The following ANKFN1 variants were observed in gnomAD, a reference collection of about 807,000 sequenced individuals.
ANKFN1 encodes the protein ankyrin repeat and fibronectin type III domain containing 1.
ANKFN1 carries 74 observed loss-of-function variants against 108.7 expected under a neutral mutation model. That is an observed-to-expected ratio of 0.68 (90% CI 0.56 to 0.83). ANKFN1 has a LOEUF of 0.83. Ranked by LOEUF, ANKFN1 falls within the 40% of genes least tolerant of loss-of-function variation. ANKFN1 has a pLI of 0.00. For missense variants in ANKFN1, 1,505 were observed against 1,382.3 expected (o/e 1.09, Z -1.41); for synonymous variants, 547 against 516.2 (o/e 1.06, Z -0.81).
chr17:56,437,769 C>T (rs2048974766), intron 8 of ANKFN1, among the ~76,000 whole-genome samples: 1 of 151,862 alleles, frequency 6.6e-6, no homozygotes, highest in South Asian at 2.1e-4. Context: ...AATACATATA[C>T]ATATATATAA....
intron 6 of ANKFN1, among the ~76,000 whole-genome samples, chr17:56,360,092 T>C (rs1208487855): frequency 1.3e-5 from 2 of 152,154 alleles, no homozygotes; most frequent in Non-Finnish European, 2.9e-5. Context: ...AATAAGAATA[T>C]GTAAAGAACA....
Position 56,070,919 on chromosome 17 carries a change from A to G in ANKFN1, c.288+24594A>G, listed in dbSNP as rs1173574493. Among the ~76,000 whole-genome samples, 7 of 151,942 alleles carry G rather than the reference A, an allele frequency of 4.6e-5. No homozygotes were observed. In the East Asian group the frequency reaches 1.4e-3, roughly 29 times the overall value. On this transcript the variant is annotated intron_variant, in intron 4 of 12. Coordinates refer to the ANKFN1 transcript ENST00000635860. ...CCAGCTAATTTTTTGTATTTTAAGT[A>G]GAGATGGGGTTTCACCATGTTGGCC...
intron 4 of ANKFN1, among the ~76,000 whole-genome samples, chr17:56,049,447 T>G (rs1904736382): frequency 1.3e-5 from 2 of 151,952 alleles, no homozygotes; most frequent in South Asian, 2.1e-4. Flanking sequence ...TTGTGCAGGT[T>G]AGTTACATAT....
intron 15 of ANKFN1, among the ~76,000 whole-genome samples, chr17:56,468,459 G>T (rs2145304532): frequency 6.6e-6 from 1 of 151,178 alleles, no homozygotes; most frequent in East Asian, 1.9e-4. Flanking sequence ...GGGATGAATT[G>T]TATAGGACAC....
intron 8 of ANKFN1, among the ~76,000 whole-genome samples, chr17:56,385,529 A>G (rs1364855991): frequency 1.3e-5 from 2 of 152,198 alleles, no homozygotes; most frequent in Admixed American, 1.3e-4. Flanking sequence ...CAGAGTGAAC[A>G]AGCAACCTAC....
chr17:56,438,652 C>T (rs770287577), intron 8 of ANKFN1, among the ~76,000 whole-genome samples: 1 of 152,054 alleles, frequency 6.6e-6, no homozygotes, highest in South Asian at 2.1e-4. Context: ...CTTGAACCCC[C>T]GGGCTTAAGC....
chr17:56,081,533 A>G (rs1036778802), intron 4 of ANKFN1, among the ~76,000 whole-genome samples: 4 of 151,880 alleles, frequency 2.6e-5, no homozygotes, highest in Admixed American at 2.6e-4. Context: ...TTGTATTTTC[A>G]GTAGAGATGG....
chr17:56,223,732 G>A (rs767843756), intron 2 of ANKFN1, among the ~76,000 whole-genome samples: 4 of 152,090 alleles, frequency 2.6e-5, no homozygotes, highest in Non-Finnish European at 2.9e-5. Flanking sequence ...CATGTCCCCC[G>A]ATTATAACCA....
chr17:56,054,335 A>C (rs1223997853), intron 4 of ANKFN1, among the ~76,000 whole-genome samples: 3 of 152,116 alleles, frequency 2.0e-5, no homozygotes, highest in Non-Finnish European at 4.4e-5. Flanking sequence ...CATATCTCTT[A>C]TTTCACCAAG....
intron 3 of ANKFN1, among the ~76,000 whole-genome samples, chr17:56,231,769 G>A (rs755197129): frequency 6.6e-5 from 10 of 152,090 alleles, no homozygotes; most frequent in East Asian, 1.9e-4. Context: ...CAAATTTCAC[G>A]TATTTCGGGA....
chr17:56,451,686 A>T (rs1352477967), intron 11 of ANKFN1, among the ~76,000 whole-genome samples: 1 of 152,154 alleles, frequency 6.6e-6, no homozygotes, highest in Non-Finnish European at 1.5e-5. Context: ...GATTGCTATG[A>T]AGAGTAAATT....
chr17:56,505,397 A>G (rs865979529), intron 20 of ANKFN1, among the ~76,000 whole-genome samples: 1 of 152,220 alleles, frequency 6.6e-6, no homozygotes, highest in South Asian at 2.1e-4. Context: ...TTACTAATAC[A>G]ATGATGATTA....
Position 56,209,872 on chromosome 17 carries a change from G to A in ANKFN1, c.-70-2726G>A, listed in dbSNP as rs190928696. Among the ~76,000 whole-genome samples, 179 of 152,012 alleles carry A rather than the reference G, an allele frequency of 1.2e-3. 1 individual carries two copies. The highest frequency in any genetic ancestry group is 0.01 in the Middle Eastern group (3 of 294). On this transcript the variant is annotated intron_variant, in intron 1 of 20. Transcript: ENST00000682825. ...GTCCATTGTATCATTCTTATGCCTC[G>A]TGTCCTCATAGCTTAGCTCCCCACT...
At chr17:56,209,314 A>G (rs368771415) in intron 1 of ANKFN1, among the ~76,000 whole-genome samples, 2 of 152,194 alleles carry the variant, frequency 1.3e-5, no homozygotes, top group Non-Finnish European at 2.9e-5. Context: ...AAATTGTTCT[A>G]TGAAGCCAAT....
intron 4 of ANKFN1, among the ~76,000 whole-genome samples, chr17:56,069,490 CTGA>C (rs1905096543): frequency 6.6e-6 from 1 of 152,162 alleles, no homozygotes; most frequent in Non-Finnish European, 1.5e-5. Context: ...AAGCAAACCA[CTGA>C]ATGAGGTTAT....
chr17:56,275,405 T>C (rs566153004), intron 3 of ANKFN1, among the ~76,000 whole-genome samples: 1 of 152,126 alleles, frequency 6.6e-6, no homozygotes, highest in African/African-American at 2.4e-5. Flanking sequence ...GGCTGAATAC[T>C]TCTATGTAAG....
At chr17:56,249,097 T>G (rs541804501) in intron 3 of ANKFN1, among the ~76,000 whole-genome samples, 1 of 152,122 alleles carries the variant, frequency 6.6e-6, no homozygotes, top group Non-Finnish European at 1.5e-5. Context: ...AATTTACCTA[T>G]AGTGAAGATC....
At chr17:56,171,084 A>G (rs1567816417) in intron 1 of ANKFN1, among the ~76,000 whole-genome samples, 1 of 151,958 alleles carries the variant, frequency 6.6e-6, no homozygotes, top group Non-Finnish European at 1.5e-5. Context: ...TAGAAACTCA[A>G]TGAGAGTCTC....
intron 4 of ANKFN1, among the ~76,000 whole-genome samples, chr17:56,139,358 G>A (rs755191897): frequency 1.3e-5 from 2 of 152,074 alleles, no homozygotes; most frequent in Non-Finnish European, 2.9e-5. Flanking sequence ...TTTCAACCAG[G>A]CATTCAACAA....
Sources: allele counts gnomAD v4.1 joint callset (sites outside exome capture counted in the v4.1 genomes callset), GRCh38; gene constraint gnomAD v4.1.1; transcripts MANE v1.5; gene names NCBI Gene and HGNC (gene_info 2026-07-23, HGNC 2026-07-21).